Variants in POLDIP3 observed in about 807,000 individuals in gnomAD.
POLDIP3 encodes polymerase delta-interacting protein 3.
In POLDIP3, 14 loss-of-function variants were observed where a neutral mutation model predicts 45.1. The ratio of observed to expected loss-of-function variants is 0.31; its 90% CI spans 0.20 to 0.49. The LOEUF (loss-of-function observed/expected upper bound fraction) is 0.49. POLDIP3 is among the 20% of genes least tolerant of loss of function. The probability of loss-of-function intolerance (pLI) is 0.99; values close to 1 mark genes in which losing one functional copy is unlikely to be tolerated. For missense variants in POLDIP3, 511 were observed against 538.8 expected (o/e 0.95, Z 0.51); for synonymous variants, 223 against 205.2 (o/e 1.09, Z -0.74).
At chr22:42,594,777 C>T (rs535755697) in intron 6 of POLDIP3, among the ~76,000 whole-genome samples, 6 of 152,324 alleles carry the variant, frequency 3.9e-5, no homozygotes, top group African/African-American at 1.4e-4. Context: ...ATGGGTGGGA[C>T]GGGATGGACC....
At chr22:42,594,302 C>G (rs1168623296) in intron 6 of POLDIP3, among the ~76,000 whole-genome samples, 3 of 151,514 alleles carry the variant, frequency 2.0e-5, no homozygotes, top group Non-Finnish European at 4.4e-5. Flanking sequence ...TTTGAGGTCA[C>G]GAGTTCGAGA....
At chr22:42,602,264 G>A (rs973647794) in intron 2 of POLDIP3, among the ~76,000 whole-genome samples, 21 of 152,224 alleles carry the variant, frequency 1.4e-4, no homozygotes, top group African/African-American at 4.6e-4. Context: ...AGGGCTTAAT[G>A]GACTTGGCTC....
intron 6 of POLDIP3, among the ~76,000 whole-genome samples, chr22:42,593,171 T>C (rs1386886083): frequency 6.6e-6 from 1 of 152,254 alleles, no homozygotes; most frequent in East Asian, 1.9e-4. Flanking sequence ...TAAATAGTTA[T>C]ACTGTATTTC....
intron 4 of POLDIP3, among the ~76,000 whole-genome samples, chr22:42,598,365 C>T (rs1170768331): frequency 6.6e-6 from 1 of 151,988 alleles, no homozygotes; most frequent in Non-Finnish European, 1.5e-5. Context: ...ATTCTCCTGC[C>T]TCAGCCTCTA....
intron 6 of POLDIP3, among the ~76,000 whole-genome samples, chr22:42,592,321 G>A (rs1312493418): frequency 6.6e-6 from 1 of 152,228 alleles, no homozygotes; most frequent in African/African-American, 2.4e-5. Flanking sequence ...GATCACCTGG[G>A]ATCTCCCAGC....
chr22:42,591,610 AG>A (rs1273964044), intron 7 of POLDIP3, among the ~76,000 whole-genome samples: 1 of 152,236 alleles, frequency 6.6e-6, no homozygotes, highest in Non-Finnish European at 1.5e-5. Context: ...ACAAAACTCC[AG>A]GGCTGGGAGG....
chr22:42,602,864 T>G lies in POLDIP3; in HGVS notation c.356A>C (p.Glu119Ala). 6.2e-7 allele frequency: 1 copy of G among 1,613,678 alleles called. No individual in the cohort carries two copies. Among genetic ancestry groups the G allele is most frequent in the Non-Finnish European group, 8.5e-7 (1 of 1,180,016 alleles). The part of the protein sequence containing the change: ...QKPRQVADAR[E>A]KISLKRSSPA... ...GGAACTCCTCTTCAAGCTGATCTTCTCCCGGGCATCAGCAACCTGGCGGGG... is the reference window on the plus strand; with the variant it reads ...GGAACTCCTCTTCAAGCTGATCTTCGCCCGGGCATCAGCAACCTGGCGGGG... Residue 119 changes from glutamate (E) to alanine (A), a missense_variant, in exon 2 of 9, where the codon GAG becomes GCG. Physicochemically the swap from Glu to Ala is moderately radical, Grantham distance 107. Transcript: ENST00000252115.
At chr22:42,594,004 G>A (rs1399425170) in intron 6 of POLDIP3, among the ~76,000 whole-genome samples, 2 of 151,662 alleles carry the variant, frequency 1.3e-5, no homozygotes, top group Non-Finnish European at 2.9e-5. Context: ...GCTCACACCT[G>A]TAATACCAGC....
At chr22:42,589,924 C>T (rs1373073949) in intron 7 of POLDIP3, among the ~76,000 whole-genome samples, 13 of 143,112 alleles carry the variant, frequency 9.1e-5, no homozygotes, top group African/African-American at 3.1e-4. Context: ...CGCACTTAAA[C>T]ATTACAAAGC....
intron 3 of POLDIP3, among the ~76,000 whole-genome samples, chr22:42,600,550 C>T (rs952317739): frequency 1.3e-5 from 2 of 151,728 alleles, no homozygotes; most frequent in Non-Finnish European, 2.9e-5. Flanking sequence ...GGTGTGAACC[C>T]GGGAGGCGGA....
At position 42,602,974 on chromosome 22, in the gene POLDIP3, A is replaced by G; in HGVS notation, c.246T>C (p.Asp82=). ...CTTTCCCTTTGATTCGAAATCGGGC[A>G]TCTTTCTGCAAAAGCTTCTCCCGGG... ...KDAREKLLQK[D]ARFRIKGKVQ... Residue 82 remains aspartate, a synonymous_variant, in exon 2 of 9, where the codon GAT becomes GAC. Coordinates refer to ENST00000252115, the MANE Select transcript of POLDIP3 (RefSeq NM_032311.5). The G allele has an allele frequency of 6.2e-7, 1 of 1,614,004 alleles. No individual in the cohort carries two copies. Among genetic ancestry groups the G allele is most frequent in the Non-Finnish European group, 8.5e-7 (1 of 1,180,002 alleles).
In POLDIP3 at chr22:42,584,672, T is replaced by C. The variant is rs2285137; in HGVS notation, c.*1119A>G. On this transcript the variant is annotated 3_prime_UTR_variant, in exon 9 of 9. Coordinates refer to ENST00000252115, the MANE Select transcript of POLDIP3 (RefSeq NM_032311.5). ...GCCTATGCTGGGGAAACACCTTGCC[T>C]GGTAGAGCTGCCCTGCTCCCTTGAC... is the stretch of plus-strand genomic sequence containing the variant. 0.12 allele frequency: 41,969 copies of C among 350,446 alleles called. 5,305 individuals are homozygous for C. Among genetic ancestry groups the C allele is most frequent in the East Asian group, 0.7 (8,676 of 12,436 alleles). 21.7% of individuals were successfully genotyped at this position (350,446 alleles called of 1,614,324 possible). A position where few individuals can be genotyped will look rare whatever the true frequency, so the allele number is the denominator to read the frequency against.
rs115714116 is a variant in POLDIP3, at chr22:42,584,724, A to G, written c.*1067T>C. On this transcript the variant is annotated 3_prime_UTR_variant, in exon 9 of 9. Coordinates refer to ENST00000252115, the MANE Select transcript of POLDIP3 (RefSeq NM_032311.5). ...CCTCCTCCTCTGCCAAGGCAGGAAA[A>G]TAATCCTCTGGTCATGGATGGATGG... 5.5e-3 allele frequency: 2,001 copies of G among 360,676 alleles called. 35 individuals are homozygous for G. Among genetic ancestry groups the G allele is most frequent in the African/African-American group, 0.04 (1,897 of 46,862 alleles). 22.3% of individuals were successfully genotyped at this position (360,676 alleles called of 1,614,324 possible).
intron 8 of POLDIP3, among the ~76,000 whole-genome samples, chr22:42,586,762 C>T (rs1012490031): frequency 1.3e-5 from 2 of 152,212 alleles, no homozygotes; most frequent in Admixed American, 6.5e-5. Context: ...CCCTGCCCCA[C>T]ACTATCCCAC....
At chr22:42,590,467 A>G (rs887645614) in intron 7 of POLDIP3, among the ~76,000 whole-genome samples, 7 of 152,202 alleles carry the variant, frequency 4.6e-5, no homozygotes, top group Admixed American at 3.9e-4. Context: ...TACAGGCTTC[A>G]GCCACCACAC....
At chr22:42,592,212 G>A (rs1925710916) in intron 6 of POLDIP3, 128 bp from the exon 7 acceptor site, 2 of 1,371,626 alleles carry the variant, frequency 1.5e-6, no homozygotes, top group Non-Finnish European at 2.0e-6. Flanking sequence ...AGACTGCGGG[G>A]AGGCTCCACG....
intron 3 of POLDIP3, 25 bp from the exon 4 acceptor site, chr22:42,599,818 T>A (rs1056419212): frequency 1.3e-6 from 2 of 1,538,728 alleles, no homozygotes; most frequent in African/African-American, 2.7e-5. Context: ...TAAAGAAATA[T>A]AAGCAAATGT....
intron 1 of POLDIP3, among the ~76,000 whole-genome samples, chr22:42,613,618 G>A (rs1050381573): frequency 1.3e-5 from 2 of 151,988 alleles, no homozygotes; most frequent in African/African-American, 2.4e-5. Context: ...AAAATTAGCC[G>A]GGCGTGGTGG....
intron 1 of POLDIP3, among the ~76,000 whole-genome samples, chr22:42,605,223 G>T (rs866992402): frequency 2.9e-4 from 44 of 152,346 alleles, no homozygotes; most frequent in Middle Eastern, 3.4e-3. Context: ...CGCCTCCCGG[G>T]TTCATGCCAT....
Sources: gnomAD v4.1 joint callset for allele counts (sites outside exome capture counted in the v4.1 genomes callset) on GRCh38, gnomAD v4.1.1 for gene constraint, MANE v1.5 for transcripts, NCBI Gene and HGNC (gene_info 2026-07-23, HGNC 2026-07-21) for gene names.